Variants in SH3KBP1 observed in about 807,000 individuals in gnomAD.
SH3KBP1 encodes the protein SH3 domain containing kinase binding protein 1, also known as SH3 domain-containing kinase-binding protein 1.
In SH3KBP1, 8 loss-of-function variants were observed where a neutral mutation model predicts 50.1. That is an observed-to-expected ratio of 0.16 (90% CI 0.09 to 0.29). The LOEUF is 0.29. Ranked by LOEUF, SH3KBP1 falls within the 10% of genes least tolerant of loss-of-function variation. The pLI, the probability that SH3KBP1 is intolerant of heterozygous loss-of-function variation, is 1.00. For missense variants in SH3KBP1, 377 were observed against 535.2 expected (o/e 0.70, Z 2.92); for synonymous variants, 227 against 218.6 (o/e 1.04, Z -0.34).
intron 13 of SH3KBP1, among the ~76,000 whole-genome samples, chrX:19,554,863 T>C (rs1448554773): frequency 1.8e-5 from 2 of 113,062 alleles, no homozygotes; most frequent in East Asian, 2.8e-4. Context: ...CATTTTTCCA[T>C]AGACCATGAA....
chrX:19,819,930 A>C (rs1047611938), intron 2 of SH3KBP1, among the ~76,000 whole-genome samples: 1 of 111,176 alleles, frequency 9.0e-6, no homozygotes, highest in Non-Finnish European at 1.9e-5. Flanking sequence ...ATTCAGTTCT[A>C]TGTGTTTGTT....
rs1464714057 is a variant in SH3KBP1, at chrX:19,787,803, C to T, written c.163-41362G>A. ...TCAATCACTCTATATTGAGGGTGGC[C>T]AGGGAAGGCCTCTCCAGCAGGTGAC... On this transcript the variant is annotated intron_variant, in intron 2 of 17. Transcript: ENST00000397821. Among the ~76,000 whole-genome samples the T allele has an allele frequency of 3.6e-5, 4 of 111,440 alleles. 1 individual carries two copies. In the Admixed American group the frequency reaches 3.8e-4, roughly 11 times the overall value.
intron 12 of SH3KBP1, among the ~76,000 whole-genome samples, chrX:19,574,831 C>T (rs1022254235): frequency 8.9e-6 from 1 of 112,157 alleles, no homozygotes; most frequent in East Asian, 2.8e-4. Flanking sequence ...TGTGTCCTCT[C>T]AAAATTTATA....
At chrX:19,562,115 T>G (rs1237140040) in intron 13 of SH3KBP1, among the ~76,000 whole-genome samples, 1 of 111,634 alleles carries the variant, frequency 9.0e-6, no homozygotes, top group African/African-American at 3.3e-5. Context: ...CAGAACATGC[T>G]TTAATGAGAG....
chrX:19,648,316 A>G (rs2062036352), intron 6 of SH3KBP1, among the ~76,000 whole-genome samples: 3 of 105,464 alleles, frequency 2.8e-5, no homozygotes, highest in African/African-American at 1.0e-4. Context: ...AGGAAGGAGA[A>G]GAAGAAAGGA....
At chrX:19,768,525 G>C (rs1204547143) in intron 2 of SH3KBP1, among the ~76,000 whole-genome samples, 2 of 96,273 alleles carry the variant, frequency 2.1e-5, no homozygotes, top group South Asian at 5.4e-4. Context: ...GGGCATCCTA[G>C]ATACACCAAA....
chrX:19,783,718 C>G (rs1196083500), intron 2 of SH3KBP1, among the ~76,000 whole-genome samples: 1 of 111,753 alleles, frequency 8.9e-6, no homozygotes, highest in Non-Finnish European at 1.9e-5. Context: ...TATTCATATT[C>G]ATTAACTCAA....
rs1264412559 is a variant in SH3KBP1 at position 19,712,807 on chromosome X, T to C, written c.287-5823A>G. Among the ~76,000 whole-genome samples the C allele has an allele frequency of 1.1e-4, 12 of 111,813 alleles. No homozygotes were observed. The Admixed American group carries it at 1.1e-3, about 11-fold the overall frequency. ...GATAGGCTGCACTGAGAAGGACCTA[T>C]AGAATATCGTCACCTATAGAATACT... On this transcript the variant is annotated intron_variant, in intron 3 of 17. Transcript: ENST00000397821.
At chrX:19,597,926 T>C (rs1165663357) in intron 9 of SH3KBP1, among the ~76,000 whole-genome samples, 2 of 112,959 alleles carry the variant, frequency 1.8e-5, no homozygotes, top group Non-Finnish European at 3.7e-5. Flanking sequence ...ATCTGTTGTT[T>C]AGTGTAGCCA....
intron 1 of SH3KBP1, among the ~76,000 whole-genome samples, chrX:19,876,384 A>C (rs1045724204): frequency 1.2e-4 from 13 of 111,229 alleles, no homozygotes; most frequent in African/African-American, 3.6e-4. Flanking sequence ...AACAAACAAA[A>C]AAAACACCTA....
intron 2 of SH3KBP1, among the ~76,000 whole-genome samples, chrX:19,760,041 C>CCTCTCTCCCTCT (rs2065350926): frequency 2.0e-5 from 1 of 50,455 alleles, no homozygotes; most frequent in Non-Finnish European, 3.6e-5. Flanking sequence ...TCTCTCTCTC[C>CCTCTCTCCCTCT]CTCTCTCTCT....
intron 2 of SH3KBP1, among the ~76,000 whole-genome samples, chrX:19,824,351 G>T (rs2067612257): frequency 8.9e-6 from 1 of 111,908 alleles, no homozygotes. Context: ...AAAGAAACTA[G>T]AATTAAAAAC....
Position 19,793,313 on chromosome X carries a change from A to AAAAAAAT in SH3KBP1, c.162+42811_162+42812insATTTTTT, listed in dbSNP as rs1418807395. On this transcript the variant is annotated intron_variant, in intron 2 of 17. Coordinates refer to ENST00000397821, the MANE Select transcript of SH3KBP1 (RefSeq NM_031892.3). Reference sequence around the variant, plus strand: ...CAAGACATTGTCTCAAGGAAAAAAAAATATATATATATATATATATATATC... The same window carrying AAAAAAAT: ...CAAGACATTGTCTCAAGGAAAAAAAAAAAAAATATATATATATATATATATATATATC... Among the ~76,000 whole-genome samples the AAAAAAAT allele has an allele frequency of 3.8e-3, 366 of 96,950 alleles. 3 individuals are homozygous for AAAAAAAT. The highest frequency in any genetic ancestry group is 0.013 in the African/African-American group (343 of 25,697). The allele number at this position is 96,950 out of a possible 115,157, so 84.2% of individuals were successfully genotyped here.
At chrX:19,788,416 G>A (rs767163313) in intron 2 of SH3KBP1, among the ~76,000 whole-genome samples, 59 of 110,186 alleles carry the variant, frequency 5.4e-4, no homozygotes, top group African/African-American at 2.0e-3. Context: ...CAAACCACCA[G>A]AAGCAAGGGG....
intron 7 of SH3KBP1, among the ~76,000 whole-genome samples, chrX:19,634,036 GTGT>G (rs2148302944): frequency 8.0e-5 from 1 of 12,535 alleles, no homozygotes; most frequent in East Asian, 3.5e-3. Context: ...TCCCTGGTGT[GTGT>G]GTGTGTGTGT....
At chrX:19,762,265 C>G in intron 2 of SH3KBP1, among the ~76,000 whole-genome samples, 1 of 111,832 alleles carries the variant, frequency 8.9e-6, no homozygotes, top group South Asian at 3.7e-4. Context: ...TGCCTGGGGA[C>G]CAGTATGCCT....
chrX:19,639,257 C>T (rs757769682), intron 7 of SH3KBP1, among the ~76,000 whole-genome samples: 5 of 111,718 alleles, frequency 4.5e-5, no homozygotes, highest in Admixed American at 1.9e-4. Context: ...CCTTCGGTCT[C>T]GGATGCTGTT....
rs777065520 is a variant in SH3KBP1, at chrX:19,617,211, T to C, written c.898-9166A>G. Among the ~76,000 whole-genome samples the C allele has an allele frequency of 6.2e-5, 7 of 112,685 alleles. No individual in the cohort carries two copies. The East Asian group carries it at 1.9e-3, about 31-fold the overall frequency. ...AGGGTTGATGTAAAACTCACTTTTA[T>C]GCTTCCCTTGTCTCCAGGATCACAT... is the stretch of plus-strand genomic sequence containing the variant. On this transcript the variant is annotated intron_variant, in intron 8 of 17. Transcript: ENST00000397821.
At chrX:19,591,108 G>A (rs1324284799) in intron 11 of SH3KBP1, among the ~76,000 whole-genome samples, 1 of 110,229 alleles carries the variant, frequency 9.1e-6, no homozygotes, top group African/African-American at 3.3e-5. Flanking sequence ...AAGAGGTATA[G>A]CTTCTTAAGA....
Sources: allele counts gnomAD v4.1 joint callset (sites outside exome capture counted in the v4.1 genomes callset), GRCh38; gene constraint gnomAD v4.1.1; transcripts MANE v1.5; gene names NCBI Gene and HGNC (gene_info 2026-07-23, HGNC 2026-07-21).